Variants in ATOSB observed in about 807,000 individuals in gnomAD.
The protein encoded by ATOSB is atos homolog B.
the ATOSB span, among the ~76,000 whole-genome samples, chr9:35,113,026 C>T: frequency 1.3e-5 from 2 of 152,178 alleles, no homozygotes; most frequent in Admixed American, 1.3e-4. Context: ...TTCCCTTGGG[C>T]TGACTTCCTT....
chr9:35,110,532 G>A, the ATOSB span: 9 of 152,360 alleles, frequency 5.9e-5, no homozygotes, highest in African/African-American at 1.7e-4. Context: ...TCTGGCTCTA[G>A]ACCATGGCTT....
the ATOSB span, chr9:35,108,195 G>GC: frequency 6.3e-7 from 1 of 1,596,618 alleles, no homozygotes; most frequent in East Asian, 2.3e-5. Flanking sequence ...ACCCTGGAGG[G>GC]CCCCCTGCCT....
At chr9:35,104,731 C>G in the ATOSB span, 2 of 263,660 alleles carry the variant, frequency 7.6e-6, no homozygotes, top group South Asian at 6.5e-5. Flanking sequence ...TGAGGGAAAG[C>G]AGTTCTCCTC....
the ATOSB span, chr9:35,108,102 C>A: frequency 1.9e-6 from 3 of 1,550,802 alleles, no homozygotes; most frequent in South Asian, 3.7e-5. Flanking sequence ...CTCAGAGGTA[C>A]CAGCCGGAGG....
chr9:35,106,549 C>T, the ATOSB span: 1 of 1,578,200 alleles, frequency 6.3e-7, no homozygotes, highest in East Asian at 2.3e-5. The surrounding 1 kb of genome is among the most constrained non-coding windows in gnomAD (Gnocchi z 4.6). Flanking sequence ...TCAAAGTTGC[C>T]CAGCAGGGTA....
the ATOSB span, chr9:35,105,051 G>T: frequency 2.9e-6 from 2 of 682,036 alleles, no homozygotes; most frequent in African/African-American, 1.9e-5. The surrounding 1 kb of genome is among the most constrained non-coding windows in gnomAD (Gnocchi z 5.5). Flanking sequence ...GTAGGGCAGG[G>T]TGTAGTAAGA....
the ATOSB span, among the ~76,000 whole-genome samples, chr9:35,113,458 T>C: frequency 6.6e-6 from 1 of 152,072 alleles, no homozygotes; most frequent in Non-Finnish European, 1.5e-5. Context: ...ACCCCGTCTC[T>C]ACTAAAAATA....
chr9:35,105,513 G>C, the ATOSB span: 3 of 1,153,000 alleles, frequency 2.6e-6, no homozygotes, highest in Non-Finnish European at 3.6e-6. The surrounding 1 kb of genome is among the most constrained non-coding windows in gnomAD (Gnocchi z 5.5). Flanking sequence ...GCAACATAGC[G>C]AGACCCCATC....
chr9:35,106,845 C>T, the ATOSB span: 16 of 1,570,734 alleles, frequency 1.0e-5, no homozygotes, highest in African/African-American at 4.1e-5. This position sits in a 1 kb window ranked among gnomAD's most constrained non-coding sequence, Gnocchi z 4.6. Context: ...CTTCAGGCGA[C>T]GGGCTCCTTT....
the ATOSB span, chr9:35,107,533 C>G: frequency 2.5e-6 from 4 of 1,598,996 alleles, no homozygotes; most frequent in Non-Finnish European, 3.4e-6. Flanking sequence ...GGGGCTTCTC[C>G]AGCAGGAAGC....
chr9:35,107,707 A>T, the ATOSB span: 2 of 1,605,716 alleles, frequency 1.2e-6, no homozygotes, highest in South Asian at 2.2e-5. Context: ...AGACTGTGCA[A>T]ATCAGTGTCA....
the ATOSB span, chr9:35,104,594 T>C: frequency 9.7e-6 from 4 of 412,186 alleles, no homozygotes; most frequent in South Asian, 5.3e-5. Flanking sequence ...CACACACACA[T>C]ACGCATAACT....
At chr9:35,107,532 C>T in the ATOSB span, 1 of 1,599,638 alleles carries the variant, frequency 6.3e-7, no homozygotes, top group Non-Finnish European at 8.5e-7. Context: ...TGGGGCTTCT[C>T]CAGCAGGAAG....
At chr9:35,107,759 C>T in the ATOSB span, 51 of 1,565,844 alleles carry the variant, frequency 3.3e-5, no homozygotes, top group East Asian at 1.0e-3. Flanking sequence ...CTGGGGACTC[C>T]CCCAGGGACC....
At chr9:35,108,127 C>T in the ATOSB span, 4 of 1,568,234 alleles carry the variant, frequency 2.6e-6, no homozygotes, top group South Asian at 2.3e-5. Flanking sequence ...AAGATGGATA[C>T]CTGGTAGACC....
chr9:35,105,761 G>A, the ATOSB span: 30 of 1,613,974 alleles, frequency 1.9e-5, no homozygotes, highest in Non-Finnish European at 2.5e-5. This position sits in a 1 kb window ranked among gnomAD's most constrained non-coding sequence, Gnocchi z 5.5. Flanking sequence ...AAAAAGAGGC[G>A]ATGGCGCAGG....
chr9:35,114,928 G>T, the ATOSB span, among the ~76,000 whole-genome samples: 1 of 152,232 alleles, frequency 6.6e-6, no homozygotes, highest in East Asian at 1.9e-4. Flanking sequence ...CAGGGTCTCT[G>T]GTCATTGATA....
At chr9:35,108,299 C>T in the ATOSB span, 1 of 1,515,546 alleles carries the variant, frequency 6.6e-7, no homozygotes, top group South Asian at 1.2e-5. Context: ...GTCAGGGGGG[C>T]CCCCCAACAC....
the ATOSB span, chr9:35,111,579 A>G: frequency 6.6e-6 from 1 of 151,000 alleles, no homozygotes; most frequent in Non-Finnish European, 1.5e-5. Context: ...GCCATTTCCT[A>G]CCAGCTGATG....
Sources: gnomAD v4.1 joint callset for allele counts (sites outside exome capture counted in the v4.1 genomes callset) on GRCh38, gnomAD v4.1.1 for gene constraint, Gnocchi (gnomAD v3.1) non-coding constraint, MANE v1.5 for transcripts, NCBI Gene and HGNC (gene_info 2026-07-23, HGNC 2026-07-21) for gene names.